The following AK5 variants were observed in gnomAD, a reference collection of about 807,000 sequenced individuals.
The protein encoded by AK5 is adenylate kinase isoenzyme 5.
Under a neutral mutation model 69.5 loss-of-function variants are expected in AK5, and 27 were observed. That is an observed-to-expected ratio of 0.39 (90% CI 0.29 to 0.54). The LOEUF (loss-of-function observed/expected upper bound fraction) is 0.54, where lower values mean the gene tolerates loss of function less well. AK5 is among the 20% of genes least tolerant of loss of function. AK5 has a pLI of 0.71. For missense variants in AK5, 531 were observed against 700.4 expected (o/e 0.76, Z 2.73); for synonymous variants, 260 against 244.4 (o/e 1.06, Z -0.60).
chr1:77,312,667 C>G (rs989557052), intron 5 of AK5, among the ~76,000 whole-genome samples: 3 of 151,726 alleles, frequency 2.0e-5, no homozygotes, highest in African/African-American at 7.3e-5. Context: ...ATTCACATCA[C>G]CACGGATGCA....
chr1:77,449,836 CA>C (rs1399106215), intron 8 of AK5, among the ~76,000 whole-genome samples: 1 of 152,182 alleles, frequency 6.6e-6, no homozygotes, highest in African/African-American at 2.4e-5. Context: ...ATTACTTACG[CA>C]AATTTCTGCA....
At chr1:77,399,309 C>T (rs763449223) in intron 6 of AK5, among the ~76,000 whole-genome samples, 20 of 152,228 alleles carry the variant, frequency 1.3e-4, no homozygotes, top group Non-Finnish European at 1.9e-4. Context: ...AGAATTGTTC[C>T]GAACCCCGAT....
chr1:77,375,072 C>T (rs546238782), intron 6 of AK5, among the ~76,000 whole-genome samples: 4 of 152,212 alleles, frequency 2.6e-5, no homozygotes, highest in East Asian at 1.9e-4. Flanking sequence ...CTCTCAATAA[C>T]GCTGTACTAT....
chr1:77,508,055 T>C (rs1250299112), intron 10 of AK5, among the ~76,000 whole-genome samples: 2 of 152,214 alleles, frequency 1.3e-5, no homozygotes, highest in Admixed American at 6.5e-5. Flanking sequence ...GAACTGCTCA[T>C]TGGAGCATTT....
chr1:77,419,567 A>T (rs768334172), intron 8 of AK5, among the ~76,000 whole-genome samples: 3 of 152,226 alleles, frequency 2.0e-5, no homozygotes, highest in Non-Finnish European at 4.4e-5. Context: ...CGTCAATTGA[A>T]ACAGAAATTC....
intron 7 of AK5, 55 bp downstream of exon 7, chr1:77,411,126 T>G: frequency 6.8e-7 from 1 of 1,464,066 alleles, no homozygotes. Flanking sequence ...GCCAAATGTC[T>G]GGGGCTTTGT....
At chr1:77,549,433 T>C (rs1199581750) in intron 13 of AK5, among the ~76,000 whole-genome samples, 1 of 152,178 alleles carries the variant, frequency 6.6e-6, no homozygotes, top group Non-Finnish European at 1.5e-5. Context: ...CAAGCGTTTG[T>C]CCTTTCTTTG....
At chr1:77,374,444 A>G (rs1424038508) in intron 6 of AK5, among the ~76,000 whole-genome samples, 1 of 147,268 alleles carries the variant, frequency 6.8e-6, no homozygotes, top group Admixed American at 6.8e-5. Context: ...TTTAAGAACC[A>G]AGAGAAGGAA....
chr1:77,542,961 G>A (rs779875173), intron 13 of AK5, among the ~76,000 whole-genome samples: 8 of 152,138 alleles, frequency 5.3e-5, no homozygotes, highest in Non-Finnish European at 1.2e-4. Context: ...GAGTTTTGCA[G>A]ACAGACAATC....
At chr1:77,283,141 C>G (rs1369840859) in intron 1 of AK5, 1 of 985,616 alleles carries the variant, frequency 1.0e-6, no homozygotes, top group Non-Finnish European at 1.2e-6. Context: ...AATGGGGGGA[C>G]ACTTGGAGAC....
At chr1:77,553,159 T>C (rs74090645) in intron 13 of AK5, among the ~76,000 whole-genome samples, 5,031 of 152,264 alleles carry the variant, frequency 0.033, 151 homozygotes, top group African/African-American at 0.078. Context: ...TGGAAAATCA[T>C]ATATAAAGTT....
chr1:77,388,703 C>T (rs1352187648), intron 6 of AK5, among the ~76,000 whole-genome samples: 1 of 150,524 alleles, frequency 6.6e-6, no homozygotes, highest in Non-Finnish European at 1.5e-5. Flanking sequence ...TTTAAGAAAA[C>T]TATTATGCTC....
At chr1:77,480,430 G>A (rs1193291224) in intron 8 of AK5, among the ~76,000 whole-genome samples, 2 of 152,174 alleles carry the variant, frequency 1.3e-5, no homozygotes, top group Admixed American at 6.5e-5. Flanking sequence ...ATACAAATAG[G>A]TCAGACTCAG....
chr1:77,542,901 T>C (rs1244107484), intron 13 of AK5, among the ~76,000 whole-genome samples: 1 of 152,178 alleles, frequency 6.6e-6, no homozygotes, highest in African/African-American at 2.4e-5. Flanking sequence ...TATTTGCTAC[T>C]CTTAACTGAT....
chr1:77,359,083 G>C (rs796343561), intron 6 of AK5, among the ~76,000 whole-genome samples: 1 of 151,758 alleles, frequency 6.6e-6, no homozygotes, highest in Non-Finnish European at 1.5e-5. Context: ...GTGAAACCCC[G>C]TCTCTATTAA....
intron 10 of AK5, among the ~76,000 whole-genome samples, chr1:77,516,995 T>TG (rs1657685703): frequency 6.8e-6 from 1 of 146,676 alleles, no homozygotes; most frequent in African/African-American, 2.5e-5. Flanking sequence ...CACTTGAACC[T>TG]GGGGGGTGGA....
intron 6 of AK5, among the ~76,000 whole-genome samples, chr1:77,380,446 A>G (rs575745794): frequency 6.6e-6 from 1 of 152,260 alleles, no homozygotes; most frequent in Admixed American, 6.5e-5. Context: ...GTTGCACTCT[A>G]CCATTCCCCA....
At chr1:77,363,401 T>G (rs995171693) in intron 6 of AK5, among the ~76,000 whole-genome samples, 2 of 152,226 alleles carry the variant, frequency 1.3e-5, no homozygotes, top group Non-Finnish European at 2.9e-5. Flanking sequence ...TCTTAACTGG[T>G]CTTCCTGCTT....
intron 7 of AK5, 128 bp from the exon 8 acceptor site, chr1:77,417,511 G>A (rs1204640825): frequency 1.5e-6 from 1 of 651,374 alleles, no homozygotes; most frequent in East Asian, 2.9e-5. Context: ...TGGCAGATGA[G>A]AACAGTCTAG....
Sources: allele counts gnomAD v4.1 joint callset (sites outside exome capture counted in the v4.1 genomes callset), GRCh38; gene constraint gnomAD v4.1.1; transcripts MANE v1.5; gene names NCBI Gene and HGNC (gene_info 2026-07-23, HGNC 2026-07-21).